Variants in DNM2 observed in about 807,000 individuals in gnomAD.
DNM2 encodes dynamin 2.
In DNM2, 15 loss-of-function variants were observed where a neutral mutation model predicts 99.0. The ratio of observed to expected loss-of-function variants is 0.15; its 90% CI spans 0.10 to 0.23. DNM2 has a LOEUF of 0.23. Among genes scored for constraint, DNM2 ranks in the 10% least tolerant of loss-of-function variants. The probability of loss-of-function intolerance (pLI) is 1.00; values close to 1 mark genes in which losing one functional copy is unlikely to be tolerated. For missense variants in DNM2, 742 were observed against 1,189.4 expected (o/e 0.62, Z 5.53); for synonymous variants, 525 against 481.2 (o/e 1.09, Z -1.19).
chr19:10,792,301 A>G (rs2071780327), intron 7 of DNM2, among the ~76,000 whole-genome samples: 1 of 152,182 alleles, frequency 6.6e-6, no homozygotes, highest in African/African-American at 2.4e-5. Context: ...GGTGGCCCTG[A>G]CAGTGGTCAC....
At chr19:10,746,717 CTTTTTTTTTGTTTTTTGTTTTT>C (rs2069988403) in intron 1 of DNM2, among the ~76,000 whole-genome samples, 1 of 103,192 alleles carries the variant, frequency 9.7e-6, no homozygotes, top group Non-Finnish European at 1.8e-5. Context: ...ACCGTGCCGG[CTTTTTTTTTGTTTTTTGTTTTT>C]TTTTTTTTTG....
chr19:10,793,624 G>A, intron 7 of DNM2, 96 bp from the exon 8 acceptor site: 1 of 1,610,644 alleles, frequency 6.2e-7, no homozygotes, highest in Non-Finnish European at 8.5e-7. Flanking sequence ...CTGAAAAATG[G>A]TAAAAGAACA....
chr19:10,774,046 C>A (rs949946429), intron 3 of DNM2, among the ~76,000 whole-genome samples: 2 of 152,238 alleles, frequency 1.3e-5, no homozygotes, highest in African/African-American at 2.4e-5. Flanking sequence ...ATAAATGACA[C>A]CTGCATGTGG....
intron 1 of DNM2, among the ~76,000 whole-genome samples, chr19:10,742,676 G>A (rs1324497096): frequency 2.0e-5 from 3 of 152,144 alleles, no homozygotes; most frequent in African/African-American, 7.2e-5. Context: ...TGGAAGTGCT[G>A]TGTGGTGACC....
At position 10,797,362 on chromosome 19, in the gene DNM2, G is replaced by A. The variant is rs200743425; in HGVS notation, c.1197-18G>A. ...CCTGGGTGTCTTTCTGCCTCATCCT[G>A]CCCTCCGCATGACCCAGGACGGGGC... On this transcript the variant is annotated intron_variant, in intron 9 of 20. Coordinates refer to ENST00000389253, the MANE Select transcript of DNM2 (RefSeq NM_001005361.3). The A allele has an allele frequency of 9.3e-6, 15 of 1,611,402 alleles. No homozygotes were observed. In the East Asian group the frequency reaches 2.9e-4, roughly 31 times the overall value.
chr19:10,830,468 G>A lies in DNM2; in HGVS notation c.2543+90G>A, dbSNP rs76821974. The A allele has an allele frequency of 6.6e-4, 931 of 1,417,350 alleles. 4 individuals are homozygous for A. In the East Asian group the frequency reaches 0.01, roughly 16 times the overall value. 87.8% of individuals were successfully genotyped at this position (1,417,350 alleles called of 1,614,324 possible). A position where few individuals can be genotyped will look rare whatever the true frequency, so the allele number is the denominator to read the frequency against. On this transcript the variant is annotated intron_variant, in intron 20 of 20. Coordinates refer to ENST00000389253, the MANE Select transcript of DNM2 (RefSeq NM_001005361.3). This position sits in a 1 kb window ranked among gnomAD's most constrained non-coding sequence, Gnocchi z 4.8. ...CTTCCTCCCAGTGAGCTCTCACTAC[G>A]TGCCCAGCTGCTGGAGTGGAGGAAT...
chr19:10,791,956 C>T (rs996445035), intron 7 of DNM2, among the ~76,000 whole-genome samples: 8 of 152,096 alleles, frequency 5.3e-5, no homozygotes, highest in African/African-American at 4.8e-5. Context: ...GGCATGGTGG[C>T]GGGCACCTGT....
intron 12 of DNM2, chr19:10,802,617 G>T (rs952556396): frequency 3.7e-6 from 2 of 534,562 alleles, no homozygotes; most frequent in African/African-American, 1.9e-5. Context: ...GTTCAGATCT[G>T]CAGGGAGAGG....
At chr19:10,726,435 G>T (rs1269588287) in intron 1 of DNM2, among the ~76,000 whole-genome samples, 1 of 152,098 alleles carries the variant, frequency 6.6e-6, no homozygotes, top group East Asian at 1.9e-4. Context: ...ATCAGTGCAG[G>T]CAATGTTCTT....
rs886054141 is a variant in DNM2, at chr19:10,830,994, G to T, written c.2560G>T (p.Ala854Ser). The change falls in exon 21 of 21, where the codon GCG becomes TCG. Residue 854 changes from alanine (A) to serine (S), a missense_variant. By Grantham distance (99) the Ala-to-Ser change is moderately conservative. This residue lies in a region of DNM2 where 187 missense variants were observed against 218.8 expected (regional missense o/e 0.85). Coordinates refer to ENST00000389253, the MANE Select transcript of DNM2 (RefSeq NM_001005361.3). The surrounding 1 kb of genome is among the most constrained non-coding windows in gnomAD (Gnocchi z 4.8). The stretch of plus-strand genomic sequence containing the variant: ...TCTTTGCAGCAGAAGACCCCCTGCT[G>T]CGCCCAGCCGGCCCACCATTATCCG... ...PGVPSRRPPA[A>S]PSRPTIIRPA... is the part of the protein sequence containing the mutation. 5.6e-6 allele frequency: 9 copies of T among 1,611,250 alleles called. No individual in the cohort carries two copies. The highest frequency in any genetic ancestry group is 7.6e-6 in the Non-Finnish European group (9 of 1,179,010).
rs1261482139 is a variant in DNM2, at chr19:10,795,880, A to G, written c.1196+441A>G. ...AGTTGCTCCAGGTGTCTGCCCTTCC[A>G]TCGCCGTGGGGTCCTCGGGTCACCC... On this transcript the variant is annotated intron_variant, in intron 9 of 20. Transcript: ENST00000389253. The surrounding 1 kb of genome is among the most constrained non-coding windows in gnomAD (Gnocchi z 4.2). 5.3e-6 allele frequency: 5 copies of G among 941,300 alleles called. No individual in the cohort carries two copies. The highest frequency in any genetic ancestry group is 4.9e-5 in the African/African-American group (3 of 61,672). 58.3% of individuals were successfully genotyped at this position (941,300 alleles called of 1,614,324 possible). A position where few individuals can be genotyped will look rare whatever the true frequency, so the allele number is the denominator to read the frequency against.
rs535338903 is a variant in DNM2, at chr19:10,818,485, G to A, written c.1672-1495G>A. On this transcript the variant is annotated intron_variant, in intron 15 of 20. Coordinates refer to ENST00000389253, the MANE Select transcript of DNM2 (RefSeq NM_001005361.3). The surrounding 1 kb of genome is among the most constrained non-coding windows in gnomAD (Gnocchi z 4.3). ...GGTGGCGGGGAAGTGGCTTGCCCGA[G>A]GGCACACGGCCAGGAAAGGGCAGGG... 6.6e-6 allele frequency among the ~76,000 whole-genome samples: 1 copy of A among 152,330 alleles called. No homozygotes were observed. The highest frequency in any genetic ancestry group is 2.1e-4 in the South Asian group (1 of 4,830).
rs571906529 is a variant in DNM2 at position 10,830,467 on chromosome 19, C to A, written c.2543+89C>A. The A allele has an allele frequency of 7.7e-6, 11 of 1,420,346 alleles. No individual in the cohort carries two copies. The highest frequency in any genetic ancestry group is 7.0e-5 in the African/African-American group (5 of 71,044). 88.0% of individuals were successfully genotyped at this position (1,420,346 alleles called of 1,614,324 possible). On this transcript the variant is annotated intron_variant, in intron 20 of 20. Coordinates refer to ENST00000389253, the MANE Select transcript of DNM2 (RefSeq NM_001005361.3). This position sits in a 1 kb window ranked among gnomAD's most constrained non-coding sequence, Gnocchi z 4.8. ...ACTTCCTCCCAGTGAGCTCTCACTA[C>A]GTGCCCAGCTGCTGGAGTGGAGGAA...
intron 2 of DNM2, among the ~76,000 whole-genome samples, chr19:10,770,579 C>T (rs575594578): frequency 3.9e-5 from 6 of 152,136 alleles, no homozygotes; most frequent in South Asian, 2.1e-4. Context: ...TATTTGAGAC[C>T]GGGCAATTTA....
At chr19:10,784,819 ATTTTT>A (rs35575438) in intron 6 of DNM2, among the ~76,000 whole-genome samples, 4 of 99,462 alleles carry the variant, frequency 4.0e-5, no homozygotes, top group African/African-American at 1.2e-4. Context: ...TTTTTTGATG[ATTTTT>A]TTTTTTTTTT....
At chr19:10,758,194 G>A (rs904104664) in intron 1 of DNM2, among the ~76,000 whole-genome samples, 4 of 152,036 alleles carry the variant, frequency 2.6e-5, no homozygotes, top group African/African-American at 9.7e-5. Flanking sequence ...ATCTTCTGGG[G>A]TGGTTGTGCC....
intron 12 of DNM2, among the ~76,000 whole-genome samples, chr19:10,805,501 G>T (rs146646495): frequency 6.6e-6 from 1 of 152,190 alleles, no homozygotes; most frequent in Admixed American, 6.5e-5. Flanking sequence ...TGAGCATGGT[G>T]GTATGCACCT....
chr19:10,723,077 T>C (rs1372704595), intron 1 of DNM2, among the ~76,000 whole-genome samples: 4 of 149,846 alleles, frequency 2.7e-5, no homozygotes, highest in Non-Finnish European at 5.9e-5. Context: ...GTGATTCTCC[T>C]GTCTCAGCCT....
chr19:10,801,921 A>C (rs1018431447), intron 11 of DNM2, among the ~76,000 whole-genome samples: 20 of 151,852 alleles, frequency 1.3e-4, no homozygotes, highest in Non-Finnish European at 1.8e-4. Flanking sequence ...AAAAAAAAAA[A>C]AAACAAAAAA....
Sources: allele counts gnomAD v4.1 joint callset (sites outside exome capture counted in the v4.1 genomes callset), GRCh38; gene constraint gnomAD v4.1.1; regional missense constraint gnomAD v4.1.1; non-coding constraint Gnocchi (gnomAD v3.1); transcripts MANE v1.5; gene names NCBI Gene and HGNC (gene_info 2026-07-23, HGNC 2026-07-21).